The following BRCA1 variants were observed in gnomAD, a reference collection of about 807,000 sequenced individuals.
The protein encoded by BRCA1 is breast cancer type 1 susceptibility protein.
BRCA1 carries 140 observed loss-of-function variants against 173.7 expected under a neutral mutation model. That is an observed-to-expected ratio of 0.81 (90% CI 0.70 to 0.93). BRCA1 has a LOEUF of 0.93. Among genes scored for constraint, BRCA1 ranks in the 40% least tolerant of loss-of-function variants. BRCA1 has a pLI of 0.00. For synonymous variants in BRCA1, 662 were observed against 756.0 expected, an observed-to-expected ratio of 0.88 and a Z score of 2.04; for missense variants, 1,983 against 2,172.5, an observed-to-expected ratio of 0.91 and a Z score of 1.73.
At chr17:43,063,673 TAA>T (rs928881865) in intron 17 of BRCA1, among the ~76,000 whole-genome samples, 199 bp downstream of exon 17, 7 of 152,194 alleles carry the variant, frequency 4.6e-5, no homozygotes, top group African/African-American at 1.7e-4. Flanking sequence ...CTATTAGTTA[TAA>T]AAGAGACCCA....
chr17:43,100,560 A>ATATATATAACATATATATAT (rs2054346612), intron 6 of BRCA1, among the ~76,000 whole-genome samples: 6 of 16,080 alleles, frequency 3.7e-4, no homozygotes, highest in Non-Finnish European at 1.2e-3. Flanking sequence ...GTGTGTGTGT[A>ATATATATAACATATATATAT]TATATATATA....
rs80357434 is a variant in BRCA1, at chr17:43,092,103, G to A, written c.3428C>T (p.Ser1143Phe). 6.2e-7 allele frequency: 1 copy of A among 1,613,948 alleles called. No individual in the cohort carries two copies. ...LEQPMGSSHA[S>F]QVCSETPDDL... is the part of the protein sequence containing the mutation. ...ATCAGGTGTCTCAGAACAAACCTGA[G>A]ATGCATGACTACTTCCCATAGGCTG... The change falls in exon 10 of 23, where the codon TCT becomes TTT. Residue 1143 changes from serine to phenylalanine, a missense_variant. Coordinates refer to ENST00000357654, the MANE Select transcript of BRCA1 (RefSeq NM_007294.4).
chr17:43,168,788 C>G (rs1036501480), intron 1 of BRCA1, among the ~76,000 whole-genome samples: 2 of 152,194 alleles, frequency 1.3e-5, no homozygotes, highest in African/African-American at 4.8e-5. Flanking sequence ...CCCTTTGGGT[C>G]TTTTCCTTTC....
chr17:43,088,713 A>C (rs2053326063), intron 11 of BRCA1, among the ~76,000 whole-genome samples: 1 of 152,230 alleles, frequency 6.6e-6, no homozygotes, highest in Non-Finnish European at 1.5e-5. Context: ...TGGGAAAAAG[A>C]AGCCACAGCA....
At position 43,106,397 on chromosome 17, in the gene BRCA1, A is replaced by T. The variant is rs547482120; in HGVS notation, c.212+59T>A. On this transcript the variant is annotated intron_variant, in intron 4 of 22. Transcript: ENST00000357654. ...TATAGGAACGCTATGTTATTAAATAATTTCTACTTTTTCCTACTGTGGTTG... is the reference window on the plus strand; with the variant it reads ...TATAGGAACGCTATGTTATTAAATATTTTCTACTTTTTCCTACTGTGGTTG... 1.9e-5 allele frequency: 22 copies of T among 1,147,500 alleles called. No individual in the cohort carries two copies. The South Asian group carries it at 3.0e-4, about 16-fold the overall frequency. 71.1% of individuals were successfully genotyped at this position (1,147,500 alleles called of 1,614,324 possible).
At position 43,092,166 on chromosome 17, in the gene BRCA1, G is replaced by A. The variant is rs2053599251; in HGVS notation, c.3365C>T (p.Thr1122Ile). Residue 1122 changes from threonine to isoleucine, a missense_variant, in exon 10 of 23, where the codon ACA (threonine) becomes ATA (isoleucine). Thr to Ile is a moderately conservative substitution (Grantham distance 89). Transcript: ENST00000357654. The stretch of plus-strand genomic sequence containing the variant: ...TGAAATCAGATATGGAGAGAAATCT[G>A]TATTAACAGTCTGAACTACTTCTTC... ...EYEEVVQTVN[T>I]DFSPYLISDN... The A allele has an allele frequency of 6.2e-7, 1 of 1,613,254 alleles. No homozygotes were observed. The highest frequency in any genetic ancestry group is 8.5e-7 in the Non-Finnish European group (1 of 1,179,850).
chr17:43,100,644 A>AT (rs1255823635), intron 6 of BRCA1, among the ~76,000 whole-genome samples: 43 of 52,138 alleles, frequency 8.2e-4, no homozygotes, highest in Admixed American at 2.7e-3. Context: ...ATATATATAT[A>AT]ACATATATAT....
chr17:43,085,226 G>A (rs943920801), intron 11 of BRCA1, among the ~76,000 whole-genome samples: 1 of 151,924 alleles, frequency 6.6e-6, no homozygotes, highest in African/African-American at 2.4e-5. Context: ...AAGACCCTTA[G>A]TGCTCCATCC....
intron 1 of BRCA1, among the ~76,000 whole-genome samples, chr17:43,155,843 TG>T (rs1286855754): frequency 3.3e-5 from 5 of 152,142 alleles, no homozygotes; most frequent in African/African-American, 9.7e-5. Context: ...ACTTTTGAAA[TG>T]GATTTTTTGG....
intron 1 of BRCA1, chr17:43,160,659 TTTTC>T (rs2056230449): frequency 6.6e-6 from 1 of 152,086 alleles, no homozygotes; most frequent in Non-Finnish European, 1.5e-5. Flanking sequence ...AGTTTTTACT[TTTTC>T]TTTCTTTGGA....
intron 18 of BRCA1, among the ~76,000 whole-genome samples, chr17:43,062,661 G>A (rs910922060): frequency 3.3e-5 from 5 of 151,780 alleles, no homozygotes; most frequent in African/African-American, 4.8e-5. Flanking sequence ...GCAGTGGCAC[G>A]ATCTTGGCTC....
At chr17:43,086,114 A>T (rs550843001) in intron 11 of BRCA1, among the ~76,000 whole-genome samples, 2 of 145,252 alleles carry the variant, frequency 1.4e-5, no homozygotes, top group South Asian at 4.3e-4. Flanking sequence ...ATACATACAC[A>T]CACACACACA....
intron 16 of BRCA1, among the ~76,000 whole-genome samples, chr17:43,066,726 A>G (rs1185400061): frequency 6.7e-6 from 1 of 150,194 alleles, no homozygotes; most frequent in Non-Finnish European, 1.5e-5. Flanking sequence ...TTGTTGTTTT[A>G]GGACTTAGGC....
At chr17:43,163,665 A>G (rs1305237894) in intron 1 of BRCA1, 1 of 152,144 alleles carries the variant, frequency 6.6e-6, no homozygotes, top group Non-Finnish European at 1.5e-5. Context: ...TACAAGTGCC[A>G]CTCCAGTTAT....
intron 6 of BRCA1, 132 bp from the exon 7 acceptor site, chr17:43,100,012 A>G (rs2054315253): frequency 2.6e-6 from 2 of 764,668 alleles, no homozygotes; most frequent in Admixed American, 3.8e-5. Context: ...GATGCCTGGA[A>G]AAAATGCCCA....
Position 43,139,592 on chromosome 17 carries a change from G to T in BRCA1, c.-19-15477C>A, listed in dbSNP as rs147601563. Among the ~76,000 whole-genome samples, 283 of 152,136 alleles carry T rather than the reference G, an allele frequency of 1.9e-3. 1 individual carries two copies. Among genetic ancestry groups the T allele is most frequent in the African/African-American group, 6.3e-3 (263 of 41,506 alleles). On this transcript the variant is annotated intron_variant, in intron 1 of 7. Transcript: ENST00000634433. ...GCTGGTCTCGAACTCCTGACCTTGCGATCCACCCACCTCGGCCTCCCAAAG... is the reference window on the plus strand; with the variant it reads ...GCTGGTCTCGAACTCCTGACCTTGCTATCCACCCACCTCGGCCTCCCAAAG...
intron 1 of BRCA1, chr17:43,145,282 T>G: frequency 1.6e-6 from 1 of 644,374 alleles, no homozygotes; most frequent in Non-Finnish European, 2.9e-6. Context: ...GTCTTATCAG[T>G]GGTCCCTGTC....
At chr17:43,153,428 AG>A (rs1374624695) in intron 1 of BRCA1, among the ~76,000 whole-genome samples, 6 of 152,254 alleles carry the variant, frequency 3.9e-5, no homozygotes, top group Admixed American at 6.5e-5. Flanking sequence ...GTCACTAGAC[AG>A]ATAAACTCAA....
chr17:43,057,537 TAAAA>T (rs1234118104), intron 18 of BRCA1, among the ~76,000 whole-genome samples: 1 of 129,056 alleles, frequency 7.7e-6, no homozygotes, highest in Non-Finnish European at 1.7e-5. Context: ...AAAATAAAAT[TAAAA>T]AAAAAAAAAT....
Sources: allele counts gnomAD v4.1 joint callset (sites outside exome capture counted in the v4.1 genomes callset), GRCh38; gene constraint gnomAD v4.1.1; transcripts MANE v1.5; gene names NCBI Gene and HGNC (gene_info 2026-07-23, HGNC 2026-07-21).